Variants in ELOVL5 observed in about 807,000 individuals in gnomAD.
The protein encoded by ELOVL5 is very long chain fatty acid elongase 5.
In ELOVL5, 8 loss-of-function variants were observed where a neutral mutation model predicts 38.6. The observed-to-expected ratio is 0.21, with a 90% CI of 0.12 to 0.37. The LOEUF (loss-of-function observed/expected upper bound fraction) is 0.37. Among genes scored for constraint, ELOVL5 ranks in the 10% least tolerant of loss-of-function variants. ELOVL5 has a pLI of 1.00. For synonymous variants in ELOVL5, 127 were observed against 133.7 expected (o/e 0.95, Z 0.34); for missense variants, 280 against 367.8 (o/e 0.76, Z 1.95).
Position 53,291,787 on chromosome 6 carries a change from T to C in ELOVL5, c.235A>G (p.Met79Val). Residue 79 changes from methionine to valine, a missense_variant, in exon 3 of 8, where the codon ATG (methionine) becomes GTG (valine). Met to Val is a conservative substitution (Grantham distance 21, BLOSUM62 1). Transcript: ENST00000304434. ...AACCTTTGACTTACCTCACAGAACA[T>C]ATACAGAGACAGCAGTGTGAGTCCA... ...NLGLTLLSLYMFCELVTGVWE... is the reference protein window; with the variant it reads ...NLGLTLLSLYVFCELVTGVWE... 6.2e-7 allele frequency: 1 copy of C among 1,612,036 alleles called. No individual in the cohort carries two copies. The highest frequency in any genetic ancestry group is 8.5e-7 in the Non-Finnish European group (1 of 1,179,126).
chr6:53,275,027 C>T (rs1766059736), intron 5 of ELOVL5, 63 bp downstream of exon 5: 2 of 1,497,342 alleles, frequency 1.3e-6, no homozygotes, highest in Admixed American at 3.9e-5. Context: ...TTTCTGAAAG[C>T]CTTAGTTTCA....
chr6:53,337,437 T>C (rs190397345), intron 1 of ELOVL5: 7 of 152,320 alleles, frequency 4.6e-5, no homozygotes, highest in African/African-American at 1.7e-4. Context: ...TAGCAATTTG[T>C]ATGGTCTGAG....
In ELOVL5 at chr6:53,289,587, GC is replaced by G. The variant is rs547550944; in HGVS notation, c.246+2188del. 1.2e-3 allele frequency among the ~76,000 whole-genome samples: 182 copies of G among 152,282 alleles called. No homozygotes were observed. The East Asian group carries it at 0.018, about 15-fold the overall frequency. On this transcript the variant is annotated intron_variant, in intron 3 of 7. Transcript: ENST00000304434. ...TACAAAAAATTAGACAGGAGTGGTG[GC>G]ACATGCCTGTAGTTCCAGCTACTAG...
At chr6:53,303,115 G>A (rs1767326919) in intron 1 of ELOVL5, among the ~76,000 whole-genome samples, 1 of 152,208 alleles carries the variant, frequency 6.6e-6, no homozygotes, top group Middle Eastern at 3.4e-3. Flanking sequence ...GCTTTAATTT[G>A]GTAGTCACAA....
At chr6:53,327,159 G>C (rs942222181) in intron 1 of ELOVL5, among the ~76,000 whole-genome samples, 1 of 152,084 alleles carries the variant, frequency 6.6e-6, no homozygotes, top group South Asian at 2.1e-4. Flanking sequence ...GCCTTCCCTA[G>C]TAGGCAATCT....
chr6:53,307,340 G>A lies in ELOVL5; in HGVS notation c.-8-11633C>T, dbSNP rs116826744. ...ACCACTTACTAGCTGTGTAACCTTG[G>A]GCAAGTTACTTAACATTCTGTGCCT... On this transcript the variant is annotated intron_variant, in intron 1 of 7. Transcript: ENST00000304434. Among the ~76,000 whole-genome samples the A allele has an allele frequency of 4.3e-3, 660 of 152,210 alleles. 7 individuals are homozygous for A. The highest frequency in any genetic ancestry group is 0.015 in the African/African-American group (637 of 41,530).
intron 1 of ELOVL5, among the ~76,000 whole-genome samples, chr6:53,305,881 G>A (rs1004963398): frequency 3.3e-5 from 5 of 152,054 alleles, no homozygotes; most frequent in East Asian, 2.0e-4. Context: ...GTAGCGAGCC[G>A]AGATCACGCC....
At chr6:53,314,231 C>G (rs1441694536) in intron 1 of ELOVL5, among the ~76,000 whole-genome samples, 2 of 152,138 alleles carry the variant, frequency 1.3e-5, no homozygotes, top group Non-Finnish European at 2.9e-5. Context: ...ATGATTTTTC[C>G]TTCATTTCAA....
intron 3 of ELOVL5, among the ~76,000 whole-genome samples, chr6:53,284,142 C>CA (rs59781084): frequency 0.033 from 5,004 of 151,972 alleles, 101 homozygotes; most frequent in African/African-American, 0.059. Context: ...TCCATCTCTA[C>CA]AAAAAATAAA....
chr6:53,280,249 T>A (rs1766300156), intron 3 of ELOVL5, among the ~76,000 whole-genome samples: 1 of 152,182 alleles, frequency 6.6e-6, no homozygotes, highest in African/African-American at 2.4e-5. Flanking sequence ...TATACTATAA[T>A]GAAAAAGCAG....
rs532838541 is a variant in ELOVL5, at chr6:53,267,964, A to G, written c.*1163T>C. 2 of 152,368 alleles carry G rather than the reference A, an allele frequency of 1.3e-5. No individual in the cohort carries two copies. Among genetic ancestry groups the G allele is most frequent in the South Asian group, 4.1e-4 (2 of 4,830 alleles). 9.4% of individuals were successfully genotyped at this position (152,368 alleles called of 1,614,324 possible). ...GTTCTAAACACATCTTTAGATTCTA[A>G]GCAGAAAGAAATTACAAGTACTATT... On this transcript the variant is annotated 3_prime_UTR_variant, in exon 8 of 8. Transcript: ENST00000304434.
chr6:53,300,483 G>C (rs970858345), intron 1 of ELOVL5, among the ~76,000 whole-genome samples: 10 of 151,960 alleles, frequency 6.6e-5, no homozygotes, highest in African/African-American at 2.4e-4. Flanking sequence ...AAATAAAGCA[G>C]AATAAAGGGG....
intron 1 of ELOVL5, among the ~76,000 whole-genome samples, chr6:53,311,599 T>TA (rs1434135050): frequency 6.6e-5 from 10 of 151,020 alleles, no homozygotes; most frequent in Admixed American, 1.3e-4. Flanking sequence ...ATCAACTGAT[T>TA]AATTAATAAA....
chr6:53,290,179 C>T (rs1766722785), intron 3 of ELOVL5: 1 of 152,102 alleles, frequency 6.6e-6, no homozygotes, highest in Non-Finnish European at 1.5e-5. Context: ...TTCTCTTTAC[C>T]AGGGAATCAT....
chr6:53,338,477 T>G (rs972999935), intron 1 of ELOVL5, among the ~76,000 whole-genome samples: 2 of 152,194 alleles, frequency 1.3e-5, no homozygotes, highest in African/African-American at 4.8e-5. Flanking sequence ...GGATAATGTC[T>G]TTATGGGTCT....
intron 1 of ELOVL5, among the ~76,000 whole-genome samples, chr6:53,333,784 T>C (rs1768911887): frequency 6.6e-6 from 1 of 152,338 alleles, no homozygotes; most frequent in South Asian, 2.1e-4. Context: ...CATTACTCTA[T>C]TAGTCATGCC....
intron 4 of ELOVL5, among the ~76,000 whole-genome samples, chr6:53,275,469 T>A (rs1430153209): frequency 1.3e-5 from 2 of 152,162 alleles, no homozygotes; most frequent in East Asian, 3.8e-4. Context: ...TTGGGACAGC[T>A]GGAGGGGTTT....
At chr6:53,310,479 T>C (rs999385831) in intron 1 of ELOVL5, among the ~76,000 whole-genome samples, 1 of 152,182 alleles carries the variant, frequency 6.6e-6, no homozygotes, top group Non-Finnish European at 1.5e-5. Context: ...CAAAAAATTT[T>C]CGGGCACACT....
chr6:53,268,958 A>G lies in ELOVL5; in HGVS notation c.*169T>C. 2.9e-6 allele frequency: 2 copies of G among 698,782 alleles called. No homozygotes were observed. Among genetic ancestry groups the G allele is most frequent in the African/African-American group, 1.8e-5 (1 of 55,922 alleles). 43.3% of individuals were successfully genotyped at this position (698,782 alleles called of 1,614,324 possible). On this transcript the variant is annotated 3_prime_UTR_variant, in exon 8 of 8. Transcript: ENST00000304434. ...TGTTAGAAATCTTATCCCTACTTAT[A>G]TAATCTGTATACGTTTTCTAGGGGT...
Sources: gnomAD v4.1 joint callset for allele counts (sites outside exome capture counted in the v4.1 genomes callset) on GRCh38, gnomAD v4.1.1 for gene constraint, MANE v1.5 for transcripts, NCBI Gene and HGNC (gene_info 2026-07-23, HGNC 2026-07-21) for gene names.